AOPEP: variants seen among roughly 807,000 people sequenced by gnomAD.
The protein encoded by AOPEP is aminopeptidase O.
In AOPEP, 77 loss-of-function variants were observed where a neutral mutation model predicts 98.1. The ratio of observed to expected loss-of-function variants is 0.78; its 90% confidence interval spans 0.65 to 0.95. The LOEUF (loss-of-function observed/expected upper bound fraction) is 0.95. Among genes scored for constraint, AOPEP ranks in the 40% least tolerant of loss-of-function variants. AOPEP has a pLI of 0.00. For synonymous variants in AOPEP, 346 were observed against 365.3 expected, an observed-to-expected ratio of 0.95 and a Z score of 0.60; for missense variants, 1,024 against 1,024.7, an observed-to-expected ratio of 1.00 and a Z score of 0.01.
At chr9:94,846,731 A>G (rs976275805) in intron 5 of AOPEP, among the ~76,000 whole-genome samples, 28 of 152,176 alleles carry the variant, frequency 1.8e-4, no homozygotes, top group African/African-American at 6.3e-4. Flanking sequence ...AAACAAAGTG[A>G]GACTCCATCT....
chr9:95,095,212 A>G, the AOPEP span, among the ~76,000 whole-genome samples: 1 of 152,128 alleles, frequency 6.6e-6, no homozygotes, highest in Non-Finnish European at 1.5e-5. Context: ...TACGGTGCTG[A>G]TAAATTTGGA....
At chr9:94,964,885 C>T (rs536568392) in intron 9 of AOPEP, among the ~76,000 whole-genome samples, 7 of 152,128 alleles carry the variant, frequency 4.6e-5, no homozygotes, top group African/African-American at 1.2e-4. Context: ...GTGATCTGCC[C>T]GCCTTGGCCT....
chr9:94,758,672 C>A (rs1404561124), intron 1 of AOPEP, among the ~76,000 whole-genome samples: 1 of 152,112 alleles, frequency 6.6e-6, no homozygotes, highest in African/African-American at 2.4e-5. Flanking sequence ...CAGAGTTTTT[C>A]TTTCTGTTCT....
intron 3 of AOPEP, among the ~76,000 whole-genome samples, chr9:94,785,182 G>C (rs1448490511): frequency 6.6e-6 from 1 of 152,056 alleles, no homozygotes; most frequent in East Asian, 1.9e-4. Flanking sequence ...TGATCCACCC[G>C]CCTCGGCCTC....
intron 4 of AOPEP, among the ~76,000 whole-genome samples, chr9:94,798,136 G>A (rs1204478079): frequency 2.6e-5 from 4 of 152,198 alleles, no homozygotes; most frequent in Non-Finnish European, 5.9e-5. Flanking sequence ...AGTCTGAGAA[G>A]ACAGTGAAGC....
chr9:94,840,104 G>A (rs2042104526), intron 5 of AOPEP, among the ~76,000 whole-genome samples: 1 of 152,162 alleles, frequency 6.6e-6, no homozygotes, highest in Admixed American at 6.5e-5. Flanking sequence ...TGTTTGATCT[G>A]TCACCATTAA....
chr9:95,052,388 G>C (rs1397489050), intron 13 of AOPEP, among the ~76,000 whole-genome samples: 2 of 152,124 alleles, frequency 1.3e-5, no homozygotes, highest in South Asian at 2.1e-4. Context: ...AAAAGGAGAG[G>C]ATCCTATTTT....
At chr9:94,976,441 C>T (rs2059845446) in intron 10 of AOPEP, among the ~76,000 whole-genome samples, 1 of 152,212 alleles carries the variant, frequency 6.6e-6, no homozygotes, top group African/African-American at 2.4e-5. Flanking sequence ...TGTTCACTGT[C>T]TTTTGTAAAA....
chr9:95,084,932 C>T (rs2070422551), intron 16 of AOPEP, among the ~76,000 whole-genome samples: 1 of 152,220 alleles, frequency 6.6e-6, no homozygotes, highest in African/African-American at 2.4e-5. Flanking sequence ...GGGTTAGAGG[C>T]AGTAAACTAA....
At chr9:95,079,888 C>G (rs1336805469) in intron 14 of AOPEP, among the ~76,000 whole-genome samples, 1 of 152,230 alleles carries the variant, frequency 6.6e-6, no homozygotes, top group Non-Finnish European at 1.5e-5. Context: ...GTGTCCTGGG[C>G]TTACTCCTTC....
At chr9:95,025,139 A>C (rs2063743676) in intron 13 of AOPEP, among the ~76,000 whole-genome samples, 1 of 152,202 alleles carries the variant, frequency 6.6e-6, no homozygotes, top group South Asian at 2.1e-4. Context: ...CAGGGAATAA[A>C]AGATGGTCTA....
chr9:95,050,653 G>A (rs908371727), intron 13 of AOPEP, among the ~76,000 whole-genome samples: 3 of 152,134 alleles, frequency 2.0e-5, no homozygotes, highest in Admixed American at 6.5e-5. Context: ...AGTTGTGGTC[G>A]GCTCTCCTTA....
the AOPEP span, chr9:95,109,506 TA>T: frequency 6.6e-6 from 1 of 152,178 alleles, no homozygotes; most frequent in Non-Finnish European, 1.5e-5. Context: ...TAAGGGTATC[TA>T]AACGACTTTT....
intron 4 of AOPEP, 49 bp from the exon 5 acceptor site, chr9:94,800,708 C>T (rs1339832543): frequency 6.2e-6 from 10 of 1,603,808 alleles, no homozygotes; most frequent in Admixed American, 3.3e-5. Context: ...CTCACCTCCA[C>T]AGCAAGAATA....
chr9:94,975,588 G>A (rs546483655), intron 10 of AOPEP, among the ~76,000 whole-genome samples: 23 of 152,278 alleles, frequency 1.5e-4, no homozygotes, highest in African/African-American at 5.5e-4. Flanking sequence ...CCCACTATCT[G>A]CACAGTGTCT....
At chr9:94,840,471 C>G (rs1248921737) in intron 5 of AOPEP, among the ~76,000 whole-genome samples, 3 of 152,152 alleles carry the variant, frequency 2.0e-5, no homozygotes, top group African/African-American at 4.8e-5. Context: ...TTCCTGTACT[C>G]TTGACTGGTG....
In AOPEP at chr9:94,759,791, T is replaced by C; in HGVS notation, c.8T>C (p.Ile3Thr). The change falls in exon 2 of 17, where the codon ATA becomes ACA. Residue 3 changes from isoleucine (I) to threonine (T), a missense_variant. This residue lies in a region of AOPEP where 440 missense variants were observed against 433.8 expected (regional missense o/e 1.01). Coordinates refer to ENST00000375315, the MANE Select transcript of AOPEP (RefSeq NM_001193329.3). MD[I>T]QLDPARDDLP... ...CAAACAATAAACCACATCATGGACATACAGCTGGACCCTGCCAGAGATGAC... is the reference window on the plus strand; with the variant it reads ...CAAACAATAAACCACATCATGGACACACAGCTGGACCCTGCCAGAGATGAC... 1 of 1,613,054 alleles carries C rather than the reference T, an allele frequency of 6.2e-7. No individual in the cohort carries two copies. Among genetic ancestry groups the C allele is most frequent in the Non-Finnish European group, 8.5e-7 (1 of 1,179,544 alleles).
chr9:94,824,535 C>G (rs1854029070), intron 5 of AOPEP: 1 of 152,166 alleles, frequency 6.6e-6, no homozygotes, highest in Admixed American at 6.5e-5. Context: ...ATCTTGAGTA[C>G]AGAACATTTT....
At chr9:94,750,572 A>G (rs1835464447) in intron 1 of AOPEP, among the ~76,000 whole-genome samples, 1 of 151,942 alleles carries the variant, frequency 6.6e-6, no homozygotes. Context: ...CGACAGAGCG[A>G]GACTCCGTCT....
Sources: gnomAD v4.1 joint callset for allele counts (sites outside exome capture counted in the v4.1 genomes callset) on GRCh38, gnomAD v4.1.1 for gene constraint, gnomAD v4.1.1 regional missense constraint, MANE v1.5 for transcripts, NCBI Gene and HGNC (gene_info 2026-07-23, HGNC 2026-07-21) for gene names.